FUT8: variants seen among roughly 807,000 people sequenced by gnomAD.
FUT8 encodes the protein fucosyltransferase 8.
Under a neutral mutation model 71.3 loss-of-function variants are expected in FUT8, and 29 were observed. The ratio of observed to expected loss-of-function variants is 0.41; its 90% confidence interval spans 0.30 to 0.55. FUT8 has a LOEUF of 0.55. FUT8 is among the 20% of genes least tolerant of loss of function. FUT8 has a pLI of 0.34. For missense variants in FUT8, 544 were observed against 702.1 expected, an observed-to-expected ratio of 0.77 and a Z score of 2.55; for synonymous variants, 254 against 239.3, an observed-to-expected ratio of 1.06 and a Z score of -0.57.
rs1287467769 is a variant in FUT8, at chr14:65,643,311, A to C, written c.597+13705A>C. Among the ~76,000 whole-genome samples the C allele has an allele frequency of 6.6e-6, 1 of 152,204 alleles. No individual in the cohort carries two copies. The highest frequency in any genetic ancestry group is 2.4e-5 in the African/African-American group (1 of 41,456). ...CAACATCATTCCTTATTGAGGGTATAAAAGGGAATACATATTTAGGTCATT... is the reference window on the plus strand; with the variant it reads ...CAACATCATTCCTTATTGAGGGTATCAAAGGGAATACATATTTAGGTCATT... On this transcript the variant is annotated intron_variant, in intron 6 of 10. Transcript: ENST00000673929. The surrounding 1 kb of genome is among the most constrained non-coding windows in gnomAD (Gnocchi z 4.5).
intron 2 of FUT8, among the ~76,000 whole-genome samples, chr14:65,490,116 G>C (rs2066462031): frequency 6.6e-6 from 1 of 152,066 alleles, no homozygotes; most frequent in Non-Finnish European, 1.5e-5. Flanking sequence ...CAGAACAGCT[G>C]TAATTACAGC....
At chr14:65,361,803 C>CAAATAAAT in the FUT8 span, among the ~76,000 whole-genome samples, 769 of 150,158 alleles carry the variant, frequency 5.1e-3, 6 homozygotes, top group African/African-American at 0.014. Context: ...AACAAACAAA[C>CAAATAAAT]AAACAAATAA....
chr14:65,615,834 G>T, intron 3 of FUT8, 144 bp from the exon 4 acceptor site: 1 of 592,170 alleles, frequency 1.7e-6, no homozygotes, highest in Non-Finnish European at 3.0e-6. Context: ...TACCTTTGAA[G>T]AGAAAATTCC....
Position 65,550,799 on chromosome 14 carries a change from T to C in FUT8, c.-227-10538T>C, listed in dbSNP as rs55793205. ...TCCTGGTTATGGGTTACATTTTCCT[T>C]CTTGTTGGCATCATAGTATAAAATA... On this transcript the variant is annotated intron_variant, in intron 2 of 10. Coordinates refer to ENST00000673929, the MANE Select transcript of FUT8 (RefSeq NM_001371533.1). The surrounding 1 kb of genome is among the most constrained non-coding windows in gnomAD (Gnocchi z 4.5). Among the ~76,000 whole-genome samples, 9,207 of 152,314 alleles carry C rather than the reference T, an allele frequency of 0.06. 327 individuals carry two copies. Among genetic ancestry groups the C allele is most frequent in the Admixed American group, 0.11 (1,695 of 15,294 alleles).
chr14:65,569,351 T>C (rs1254924475), intron 3 of FUT8, among the ~76,000 whole-genome samples: 1 of 151,754 alleles, frequency 6.6e-6, no homozygotes, highest in East Asian at 1.9e-4. Context: ...TTATATGTAT[T>C]ATTAAACTTA....
intron 1 of FUT8, among the ~76,000 whole-genome samples, chr14:65,432,373 A>G (rs2065489346): frequency 6.6e-6 from 1 of 150,540 alleles, no homozygotes; most frequent in African/African-American, 2.4e-5. Flanking sequence ...TTTCTTTTAA[A>G]ATGTATTTTT....
intron 3 of FUT8, among the ~76,000 whole-genome samples, chr14:65,601,530 T>C (rs2140170588): frequency 6.6e-6 from 1 of 152,256 alleles, no homozygotes; most frequent in South Asian, 2.1e-4. Context: ...CTATTACAGA[T>C]TTTCTTTATA....
chr14:65,532,833 G>C (rs531886096), intron 2 of FUT8, among the ~76,000 whole-genome samples: 2 of 152,262 alleles, frequency 1.3e-5, no homozygotes, highest in South Asian at 4.1e-4. Context: ...AATGTGTCCA[G>C]TTTCAATCTT....
chr14:65,684,941 GTTA>G (rs1012924793), intron 7 of FUT8, among the ~76,000 whole-genome samples: 11 of 152,218 alleles, frequency 7.2e-5, no homozygotes, highest in African/African-American at 2.6e-4. Context: ...AAAACAGTAT[GTTA>G]TTATCCAGTT....
At chr14:65,629,665 T>A in intron 6 of FUT8, 59 bp downstream of exon 6, 1 of 1,146,188 alleles carries the variant, frequency 8.7e-7, no homozygotes, top group Non-Finnish European at 1.3e-6. Context: ...ATAATATAAC[T>A]AAGAGTAATA....
intron 3 of FUT8, among the ~76,000 whole-genome samples, chr14:65,604,234 T>C (rs962606615): frequency 1.3e-5 from 2 of 151,850 alleles, no homozygotes; most frequent in Non-Finnish European, 2.9e-5. Context: ...ATTTAAACTC[T>C]ACCCTGGAAC....
chr14:65,509,541 C>T (rs901068669), intron 2 of FUT8, among the ~76,000 whole-genome samples: 1 of 151,994 alleles, frequency 6.6e-6, no homozygotes, highest in Non-Finnish European at 1.5e-5. Context: ...TTGATTCTTC[C>T]AACCCATAAA....
chr14:65,547,275 C>T (rs538745622), intron 2 of FUT8, among the ~76,000 whole-genome samples: 6 of 151,562 alleles, frequency 4.0e-5, no homozygotes, highest in South Asian at 4.2e-4. Flanking sequence ...GAACCTTTTA[C>T]GTATTTCACC....
intron 7 of FUT8, among the ~76,000 whole-genome samples, chr14:65,699,985 G>C (rs898195485): frequency 6.6e-6 from 1 of 151,980 alleles, no homozygotes; most frequent in Non-Finnish European, 1.5e-5. Flanking sequence ...TACTTTTCTG[G>C]TTTTTGTGGT....
At chr14:65,396,149 C>A in the FUT8 span, among the ~76,000 whole-genome samples, 1 of 152,218 alleles carries the variant, frequency 6.6e-6, no homozygotes, top group Non-Finnish European at 1.5e-5. This position sits in a 1 kb window ranked among gnomAD's most constrained non-coding sequence, Gnocchi z 5.5. Context: ...TTCAACAAGT[C>A]TCTAGGAAGT....
At chr14:65,587,188 C>CAAA (rs552458003) in intron 3 of FUT8, among the ~76,000 whole-genome samples, 1 of 62,886 alleles carries the variant, frequency 1.6e-5, no homozygotes, top group Non-Finnish European at 3.4e-5. Context: ...GACTCTGTCT[C>CAAA]AAAAAAAAAA....
intron 6 of FUT8, among the ~76,000 whole-genome samples, chr14:65,639,882 A>T (rs1390221541): frequency 6.6e-6 from 1 of 152,106 alleles, no homozygotes; most frequent in East Asian, 1.9e-4. Context: ...GTTTTTCAAA[A>T]CGTAACTACA....
At chr14:65,441,360 C>T (rs568916595) in intron 1 of FUT8, among the ~76,000 whole-genome samples, 2 of 152,198 alleles carry the variant, frequency 1.3e-5, no homozygotes, top group East Asian at 3.9e-4. Context: ...GAAAAGTATA[C>T]ATATATGTTG....
chr14:65,360,642 C>A, the FUT8 span, among the ~76,000 whole-genome samples: 3 of 152,220 alleles, frequency 2.0e-5, no homozygotes, highest in East Asian at 5.8e-4. Flanking sequence ...AGTATCCGGA[C>A]TCTGTTGATA....
Sources: gnomAD v4.1 joint callset for allele counts (sites outside exome capture counted in the v4.1 genomes callset) on GRCh38, gnomAD v4.1.1 for gene constraint, Gnocchi (gnomAD v3.1) non-coding constraint, MANE v1.5 for transcripts, NCBI Gene and HGNC (gene_info 2026-07-23, HGNC 2026-07-21) for gene names.